The following SLC2A13 variants were observed in gnomAD, a reference collection of about 807,000 sequenced individuals.
SLC2A13 encodes solute carrier family 2 member 13.
Under a neutral mutation model 64.4 loss-of-function variants are expected in SLC2A13, and 32 were observed. That is an observed-to-expected ratio of 0.50 (90% CI 0.37 to 0.67). The LOEUF (loss-of-function observed/expected upper bound fraction) is 0.67, where lower values mean the gene tolerates loss of function less well. SLC2A13 is among the 30% of genes least tolerant of loss of function. The pLI, the probability that SLC2A13 is intolerant of heterozygous loss-of-function variation, is 0.00. For missense variants in SLC2A13, 743 were observed against 829.2 expected (o/e 0.90, Z 1.28); for synonymous variants, 338 against 327.1 (o/e 1.03, Z -0.36).
At chr12:40,077,419 C>A (rs1158346002) in intron 1 of SLC2A13, among the ~76,000 whole-genome samples, 1 of 152,148 alleles carries the variant, frequency 6.6e-6, no homozygotes, top group East Asian at 1.9e-4. Flanking sequence ...ATCCTTTCCC[C>A]ATTGCTTGTT....
chr12:39,829,423 T>TTTTTTTTTTA, intron 7 of SLC2A13: 1 of 129,160 alleles, frequency 7.7e-6, no homozygotes, highest in Non-Finnish European at 1.6e-5. Flanking sequence ...TTTCTTTTTT[T>TTTTTTTTTTA]TGAGGCAGAG....
chr12:40,065,741 C>T (rs1250479491), intron 1 of SLC2A13, among the ~76,000 whole-genome samples: 1 of 152,144 alleles, frequency 6.6e-6, no homozygotes, highest in Admixed American at 6.6e-5. Context: ...TACTTTATTA[C>T]AAAACATAAC....
In SLC2A13 at chr12:39,997,569, G is replaced by A. The variant is rs371115104; in HGVS notation, c.925+30732C>T. Among the ~76,000 whole-genome samples, 350 of 152,266 alleles carry A rather than the reference G, an allele frequency of 2.3e-3. 14 individuals carry two copies. The South Asian group carries it at 0.067, about 29-fold the overall frequency. ...AATCAGGCCAGGCATAATGGCTCAC[G>A]CCTGTAATCTCAGCACTTTGGGAGG... On this transcript the variant is annotated intron_variant, in intron 3 of 9. Coordinates refer to ENST00000280871, the MANE Select transcript of SLC2A13 (RefSeq NM_052885.4).
At position 40,028,517 on chromosome 12, in the gene SLC2A13, GA is replaced by G. The variant is rs772438056; in HGVS notation, c.717-9del. Reference sequence around the variant, plus strand: ...GCAAGTCCCAACATGTACCTGCAAAGAAAAAAAATCCACATTTACTGTAAAA... The same window carrying G: ...GCAAGTCCCAACATGTACCTGCAAAGAAAAAAATCCACATTTACTGTAAAA... On this transcript the variant is annotated splice_polypyrimidine_tract_variant and intron_variant, in intron 2 of 9. Coordinates refer to ENST00000280871, the MANE Select transcript of SLC2A13 (RefSeq NM_052885.4). 3.1e-6 allele frequency: 5 copies of G among 1,607,170 alleles called. No homozygotes were observed. The African/African-American group carries it at 6.7e-5, about 22-fold the overall frequency.
chr12:39,934,814 A>T (rs1292480029), intron 4 of SLC2A13, among the ~76,000 whole-genome samples: 1 of 152,252 alleles, frequency 6.6e-6, no homozygotes, highest in East Asian at 1.9e-4. Flanking sequence ...TAATCTGTCC[A>T]GTAAGAAATG....
intron 4 of SLC2A13, among the ~76,000 whole-genome samples, chr12:39,910,430 T>C (rs549779012): frequency 1.3e-5 from 2 of 152,268 alleles, no homozygotes; most frequent in South Asian, 2.1e-4. Flanking sequence ...GCTGCCTATG[T>C]GTTATAGGTG....
chr12:40,034,007 T>A (rs768106832), intron 2 of SLC2A13, among the ~76,000 whole-genome samples: 4 of 152,190 alleles, frequency 2.6e-5, no homozygotes, highest in Non-Finnish European at 5.9e-5. Context: ...TTCCTGTTCC[T>A]CCTTAACCCA....
intron 6 of SLC2A13, among the ~76,000 whole-genome samples, chr12:39,847,868 T>C (rs1334594922): frequency 5.9e-5 from 9 of 152,162 alleles, no homozygotes; most frequent in Non-Finnish European, 1.3e-4. Context: ...TACCCAAGTC[T>C]CCAACATCTC....
chr12:40,090,708 A>C (rs1292896787), intron 1 of SLC2A13, among the ~76,000 whole-genome samples: 1 of 152,216 alleles, frequency 6.6e-6, no homozygotes, highest in East Asian at 1.9e-4. Context: ...CAAATGTAAC[A>C]AAGTCATGTG....
intron 7 of SLC2A13, among the ~76,000 whole-genome samples, chr12:39,779,687 T>C (rs1296828974): frequency 6.6e-6 from 1 of 152,256 alleles, no homozygotes; most frequent in Non-Finnish European, 1.5e-5. Context: ...TTTCTTGACC[T>C]CTAAGAAATC....
intron 3 of SLC2A13, among the ~76,000 whole-genome samples, chr12:39,997,799 C>T (rs1297143916): frequency 1.3e-5 from 2 of 152,070 alleles, no homozygotes; most frequent in Non-Finnish European, 2.9e-5. Context: ...CCACTGCACT[C>T]CAGCCTGGGT....
intron 4 of SLC2A13, among the ~76,000 whole-genome samples, chr12:39,941,234 C>T (rs1179678952): frequency 3.3e-5 from 5 of 152,024 alleles, no homozygotes; most frequent in East Asian, 1.9e-4. Context: ...TATAAACATG[C>T]GTGTGCAAGT....
intron 2 of SLC2A13, among the ~76,000 whole-genome samples, chr12:40,037,558 G>GT (rs1948011778): frequency 6.8e-6 from 1 of 147,992 alleles, no homozygotes; most frequent in Non-Finnish European, 1.5e-5. Context: ...GGTCAATGCT[G>GT]TAAGTGAGCT....
Position 40,105,848 on chromosome 12 carries a change from G to A in SLC2A13, c.-40C>T. On this transcript the variant is annotated 5_prime_UTR_variant, in exon 1 of 10. Transcript: ENST00000280871. This position sits in a 1 kb window ranked among gnomAD's most constrained non-coding sequence, Gnocchi z 4.2. ...GGGCTGCCCGGGGGGACGCGGCTCC[G>A]CGGGCCGGCAGTCTCGGCGAGCTAG... The A allele has an allele frequency of 1.5e-6, 2 of 1,355,342 alleles. No individual in the cohort carries two copies. The highest frequency in any genetic ancestry group is 1.9e-6 in the Non-Finnish European group (2 of 1,056,662). The allele number at this position is 1,355,342 out of a possible 1,614,324, so 84.0% of individuals were successfully genotyped here. A position where few individuals can be genotyped will look rare whatever the true frequency, so the allele number is the denominator to read the frequency against.
chr12:40,093,894 G>A (rs1006051182), intron 1 of SLC2A13, among the ~76,000 whole-genome samples: 2 of 152,112 alleles, frequency 1.3e-5, no homozygotes, highest in Non-Finnish European at 2.9e-5. Context: ...GGGGCTTTGG[G>A]CAGAGAAGTG....
At chr12:39,850,587 G>C (rs142885585) in intron 6 of SLC2A13, among the ~76,000 whole-genome samples, 48 of 152,206 alleles carry the variant, frequency 3.2e-4, no homozygotes, top group African/African-American at 1.1e-3. Context: ...AATTGTATCT[G>C]TGCCAACATT....
At chr12:40,086,974 C>G (rs578233578) in intron 1 of SLC2A13, among the ~76,000 whole-genome samples, 1 of 152,196 alleles carries the variant, frequency 6.6e-6, no homozygotes, top group East Asian at 1.9e-4. Flanking sequence ...ACCAACTCTA[C>G]AACCTTACCT....
intron 1 of SLC2A13, among the ~76,000 whole-genome samples, chr12:40,083,389 TG>T (rs1313536053): frequency 1.3e-5 from 2 of 152,184 alleles, no homozygotes; most frequent in Non-Finnish European, 2.9e-5. Flanking sequence ...TCCACATAAT[TG>T]GGACTGTCCT....
intron 3 of SLC2A13, among the ~76,000 whole-genome samples, chr12:39,978,912 T>G (rs1361545192): frequency 2.7e-5 from 4 of 149,164 alleles, no homozygotes; most frequent in South Asian, 2.2e-4. Context: ...TCTGCAGACT[T>G]AAATGTCCCT....
Sources: allele counts gnomAD v4.1 joint callset (sites outside exome capture counted in the v4.1 genomes callset), GRCh38; gene constraint gnomAD v4.1.1; non-coding constraint Gnocchi (gnomAD v3.1); transcripts MANE v1.5; gene names NCBI Gene and HGNC (gene_info 2026-07-23, HGNC 2026-07-21).